PPP2R2D: variants seen among roughly 807,000 people sequenced by gnomAD.
PPP2R2D encodes protein phosphatase 2 regulatory subunit Bdelta, also known as serine/threonine-protein phosphatase 2A 55 kDa regulatory subunit B delta isoform.
A neutral mutation model predicts 31.1 loss-of-function variants in PPP2R2D; 9 were observed. The ratio of observed to expected loss-of-function variants is 0.29; its 90% confidence interval spans 0.17 to 0.51. The LOEUF is 0.51. PPP2R2D is among the 20% of genes least tolerant of loss of function. The probability of loss-of-function intolerance (pLI) is 0.98; values close to 1 mark genes in which losing one functional copy is unlikely to be tolerated. For missense variants in PPP2R2D, 391 were observed against 465.6 expected, an observed-to-expected ratio of 0.84 and a Z score of 1.48; for synonymous variants, 179 against 172.6, an observed-to-expected ratio of 1.04 and a Z score of -0.29.
At chr10:131,914,373 T>G (rs2035736727) in intron 2 of PPP2R2D, among the ~76,000 whole-genome samples, 3 of 152,144 alleles carry the variant, frequency 2.0e-5, no homozygotes, top group African/African-American at 7.2e-5. Context: ...AGCAAAGACA[T>G]TCTAATTAAA....
At chr10:131,971,065 A>G in the PPP2R2D span, 1 of 1,120,222 alleles carries the variant, frequency 8.9e-7, no homozygotes, top group Non-Finnish European at 1.3e-6. Context: ...CGCAGGCTCA[A>G]TTCAAGAGCC....
chr10:131,914,218 T>A (rs2119757266), intron 2 of PPP2R2D, among the ~76,000 whole-genome samples: 1 of 152,282 alleles, frequency 6.6e-6, no homozygotes. Flanking sequence ...TGAGCAAAGA[T>A]ATGACCGGCC....
intron 2 of PPP2R2D, among the ~76,000 whole-genome samples, chr10:131,920,445 G>C (rs2035962819): frequency 6.6e-6 from 1 of 152,232 alleles, no homozygotes; most frequent in African/African-American, 2.4e-5. Flanking sequence ...TGTTTGTGGG[G>C]ACCTCACGTG....
In PPP2R2D at chr10:131,959,057, A is replaced by G. The variant is rs1169569321; in HGVS notation, c.*3094A>G. Reference sequence around the variant, plus strand: ...AGATGAAGGCGTGTGCTCATCCCCCATCCCCCTGTGGAGATGAAGGCGTGT... The same window carrying G: ...AGATGAAGGCGTGTGCTCATCCCCCGTCCCCCTGTGGAGATGAAGGCGTGT... On this transcript the variant is annotated 3_prime_UTR_variant, in exon 9 of 9. Transcript: ENST00000455566. 5.2e-5 allele frequency: 4 copies of G among 76,198 alleles called. No homozygotes were observed. The highest frequency in any genetic ancestry group is 1.5e-4 in the Admixed American group (1 of 6,894). The allele number at this position is 76,198 out of a possible 1,614,324, so 4.7% of individuals were successfully genotyped here.
chr10:131,918,079 A>G (rs1589930253), intron 2 of PPP2R2D, among the ~76,000 whole-genome samples: 2 of 135,334 alleles, frequency 1.5e-5, no homozygotes, highest in Non-Finnish European at 3.1e-5. Flanking sequence ...AGGCGGGTGG[A>G]GTGACACAGT....
intron 2 of PPP2R2D, among the ~76,000 whole-genome samples, chr10:131,926,198 T>G (rs2036101661): frequency 6.6e-6 from 1 of 152,236 alleles, no homozygotes; most frequent in Non-Finnish European, 1.5e-5. Context: ...AGAGTCTTAC[T>G]GGGTCTCGGA....
At chr10:131,907,536 C>T (rs922889333) in intron 2 of PPP2R2D, among the ~76,000 whole-genome samples, 3 of 152,034 alleles carry the variant, frequency 2.0e-5, no homozygotes, top group Non-Finnish European at 4.4e-5. Context: ...GTCAGGAGAT[C>T]GAGACCATCC....
In PPP2R2D at chr10:131,956,004, A is replaced by G. The variant is rs757717521; in HGVS notation, c.*41A>G. On this transcript the variant is annotated 3_prime_UTR_variant, in exon 9 of 9. Transcript: ENST00000455566. ...GACCAAGTCTTGTCTTGCATAGTTA[A>G]GCCGGACATTTTTCTGTCAGAGAAA... The G allele has an allele frequency of 2.4e-5, 34 of 1,394,184 alleles. No homozygotes were observed. The highest frequency in any genetic ancestry group is 2.6e-5 in the Non-Finnish European group (28 of 1,063,458). The allele number at this position is 1,394,184 out of a possible 1,614,324, so 86.4% of individuals were successfully genotyped here.
Position 131,957,614 on chromosome 10 carries a change from C to T in PPP2R2D, c.*1651C>T. 2 of 165,702 alleles carry T rather than the reference C, an allele frequency of 1.2e-5. No homozygotes were observed. Among genetic ancestry groups the T allele is most frequent in the South Asian group, 1.1e-4 (1 of 9,196 alleles). 10.3% of individuals were successfully genotyped at this position (165,702 alleles called of 1,614,324 possible). ...TGTGGAGATGAAGGTGTGTGCTGAT[C>T]CCCATCCCCCTGTGGAGATGAAGGG... On this transcript the variant is annotated 3_prime_UTR_variant, in exon 9 of 9. Coordinates refer to ENST00000455566, the MANE Select transcript of PPP2R2D (RefSeq NM_018461.5).
chr10:131,913,841 C>T (rs2035725743), intron 2 of PPP2R2D, among the ~76,000 whole-genome samples: 1 of 152,130 alleles, frequency 6.6e-6, no homozygotes, highest in South Asian at 2.1e-4. Context: ...AGAAGTCTTG[C>T]TAATGATGTT....
chr10:131,921,357 C>G (rs1554894226), intron 2 of PPP2R2D, among the ~76,000 whole-genome samples: 1 of 152,144 alleles, frequency 6.6e-6, no homozygotes, highest in African/African-American at 2.4e-5. Flanking sequence ...GCCCCACGCA[C>G]CCAGGGTCCT....
At chr10:131,902,330 G>C (rs1349075331) in intron 2 of PPP2R2D, among the ~76,000 whole-genome samples, 1 of 152,130 alleles carries the variant, frequency 6.6e-6, no homozygotes, top group Non-Finnish European at 1.5e-5. Flanking sequence ...CCCCTTGTCA[G>C]ACGTCCTGTT....
chr10:131,914,692 A>G (rs528562437), intron 2 of PPP2R2D, among the ~76,000 whole-genome samples: 1 of 152,340 alleles, frequency 6.6e-6, no homozygotes, highest in East Asian at 1.9e-4. Context: ...GGGTGAAAAC[A>G]GCAGCTTTTG....
chr10:131,907,429 G>A, intron 2 of PPP2R2D, among the ~76,000 whole-genome samples: 1 of 152,310 alleles, frequency 6.6e-6, no homozygotes, highest in East Asian at 1.9e-4. Flanking sequence ...CCTTTAGGAA[G>A]TCAGTTGTAT....
At chr10:131,922,384 T>G (rs1478298679) in intron 2 of PPP2R2D, among the ~76,000 whole-genome samples, 6 of 152,116 alleles carry the variant, frequency 3.9e-5, no homozygotes, top group African/African-American at 1.4e-4. Flanking sequence ...ATTAGCTAAA[T>G]TTAATTGTTC....
intron 8 of PPP2R2D, among the ~76,000 whole-genome samples, chr10:131,952,378 G>T (rs1265651610): frequency 1.3e-5 from 1 of 76,144 alleles, no homozygotes; most frequent in African/African-American, 5.6e-5. Flanking sequence ...GTGACTTGCG[G>T]GTGTGCGGGG....
rs999575606 is a variant in PPP2R2D at position 131,908,250 on chromosome 10, A to G, written c.100+6920A>G. Among the ~76,000 whole-genome samples the G allele has an allele frequency of 1.4e-3, 216 of 152,214 alleles. 1 individual carries two copies. The highest frequency in any genetic ancestry group is 6.8e-3 in the Middle Eastern group (2 of 294). ...ATGTTTACGTTATTATTCAGTGATT[A>G]TTCCCATCCCTTGATCTTTGCTCCT... On this transcript the variant is annotated intron_variant, in intron 2 of 8. Coordinates refer to ENST00000455566, the MANE Select transcript of PPP2R2D (RefSeq NM_018461.5).
intron 2 of PPP2R2D, among the ~76,000 whole-genome samples, chr10:131,905,062 C>T (rs930356965): frequency 2.7e-5 from 4 of 150,940 alleles, no homozygotes; most frequent in Non-Finnish European, 5.9e-5. Context: ...ACTGGGTCAT[C>T]AGACTTCCCA....
At chr10:131,970,494 C>T in the PPP2R2D span, 1 of 1,227,786 alleles carries the variant, frequency 8.1e-7, no homozygotes, top group Non-Finnish European at 1.1e-6. The surrounding 1 kb of genome is among the most constrained non-coding windows in gnomAD (Gnocchi z 4.1). Context: ...TGGACCTGAA[C>T]AGTGACTACG....
Sources: allele counts gnomAD v4.1 joint callset (sites outside exome capture counted in the v4.1 genomes callset), GRCh38; gene constraint gnomAD v4.1.1; non-coding constraint Gnocchi (gnomAD v3.1); transcripts MANE v1.5; gene names NCBI Gene and HGNC (gene_info 2026-07-23, HGNC 2026-07-21).